The following PACRG variants were observed in gnomAD, a reference collection of about 807,000 sequenced individuals.
PACRG encodes parkin coregulated.
A neutral mutation model predicts 29.7 loss-of-function variants in PACRG; 29 were observed. The ratio of observed to expected loss-of-function variants is 0.98; its 90% CI spans 0.73 to 1.33. PACRG has a LOEUF of 1.33. Among genes scored for constraint, PACRG ranks in the 40% most tolerant of loss-of-function variants. The probability of loss-of-function intolerance (pLI) is 0.00; values close to 1 mark genes in which losing one functional copy is unlikely to be tolerated. For synonymous variants in PACRG, 116 were observed against 118.7 expected, an observed-to-expected ratio of 0.98 and a Z score of 0.15; for missense variants, 279 against 316.2, an observed-to-expected ratio of 0.88 and a Z score of 0.89.
intron 2 of PACRG, among the ~76,000 whole-genome samples, chr6:163,058,969 C>A (rs1408302779): frequency 6.6e-6 from 1 of 151,714 alleles, no homozygotes; most frequent in Non-Finnish European, 1.5e-5. Flanking sequence ...ATCCCAGCTA[C>A]TCAGGAGGCT....
chr6:162,804,546 G>A (rs1209215325), intron 1 of PACRG, among the ~76,000 whole-genome samples: 1 of 152,066 alleles, frequency 6.6e-6, no homozygotes, highest in Admixed American at 6.6e-5. Flanking sequence ...TGTTCATAAA[G>A]CAATGAACAC....
At chr6:163,208,482 A>G (rs184719967) in intron 4 of PACRG, among the ~76,000 whole-genome samples, 445 of 152,302 alleles carry the variant, frequency 2.9e-3, no homozygotes, top group Non-Finnish European at 5.2e-3. Context: ...TAATAAATCA[A>G]TTCTGTGATT....
At chr6:162,787,165 G>C (rs1010820724) in intron 1 of PACRG, among the ~76,000 whole-genome samples, 1 of 152,046 alleles carries the variant, frequency 6.6e-6, no homozygotes, top group Non-Finnish European at 1.5e-5. Context: ...TTCTCACCCT[G>C]TCAGACTGAG....
chr6:162,947,424 AAATCATATATATAAAATATATAT>A (rs1303433643), intron 2 of PACRG, among the ~76,000 whole-genome samples: 746 of 68,572 alleles, frequency 0.011, 12 homozygotes, highest in Non-Finnish European at 0.017. Flanking sequence ...ATCATACATA[AAATCATATATATAAAATATATAT>A]AATCATATAT....
At chr6:162,769,335 A>G (rs747693809) in intron 1 of PACRG, among the ~76,000 whole-genome samples, 1 of 152,004 alleles carries the variant, frequency 6.6e-6, no homozygotes, top group East Asian at 1.9e-4. Flanking sequence ...TTACTGCTCT[A>G]AAACCTAACT....
At position 163,055,411 on chromosome 6, in the gene PACRG, C is replaced by T. The variant is rs1343339281; in HGVS notation, c.292-6739C>T. Among the ~76,000 whole-genome samples the T allele has an allele frequency of 6.6e-6, 1 of 152,056 alleles. No homozygotes were observed. Among genetic ancestry groups the T allele is most frequent in the African/African-American group, 2.4e-5 (1 of 41,402 alleles). On this transcript the variant is annotated intron_variant, in intron 2 of 4. Transcript: ENST00000366888. This position sits in a 1 kb window ranked among gnomAD's most constrained non-coding sequence, Gnocchi z 4.0. ...TCACATATATACACACGTGCACACA[C>T]ACGCAAACAAGCGCCTGAGGATAAA...
At chr6:163,001,459 G>A (rs1177069064) in intron 2 of PACRG, among the ~76,000 whole-genome samples, 1 of 152,166 alleles carries the variant, frequency 6.6e-6, no homozygotes, top group Non-Finnish European at 1.5e-5. Context: ...TGAAGTGGGA[G>A]TGGCAGCCGG....
At chr6:162,879,246 C>CTA (rs1260508939) in intron 2 of PACRG, among the ~76,000 whole-genome samples, 18 of 152,302 alleles carry the variant, frequency 1.2e-4, no homozygotes, top group African/African-American at 4.1e-4. Flanking sequence ...CATTAACAGT[C>CTA]TATAGTTCTC....
chr6:163,050,444 A>T (rs932610795), intron 2 of PACRG, among the ~76,000 whole-genome samples: 1 of 152,238 alleles, frequency 6.6e-6, no homozygotes, highest in Non-Finnish European at 1.5e-5. Flanking sequence ...TTGATGATTT[A>T]AAAAACTCAT....
intron 4 of PACRG, among the ~76,000 whole-genome samples, chr6:163,228,534 G>A (rs548960374): frequency 1.7e-4 from 26 of 152,206 alleles, no homozygotes; most frequent in South Asian, 4.1e-4. Context: ...GATAGTGCAC[G>A]GGTGCACGGC....
In PACRG at chr6:162,814,223, G is replaced by C. The variant is rs771908101; in HGVS notation, c.233G>C (p.Arg78Pro). The part of the protein sequence containing the change: ...KPTAFRKFYE[R>P]GDFPIALEHD... ...ACAGCATTTCGAAAATTCTATGAGC[G>C]AGGTGACTTCCCAATTGCCCTTGAG... is the stretch of plus-strand genomic sequence containing the variant. Residue 78 changes from arginine (R) to proline (P), a missense_variant, in exon 2 of 5, where the codon CGA (arginine) becomes CCA (proline). By Grantham distance (103) the Arg-to-Pro change is moderately radical (BLOSUM62 -2). Transcript: ENST00000366888. The C allele has an allele frequency of 6.2e-6, 10 of 1,613,672 alleles. No individual in the cohort carries two copies. In the African/African-American group the frequency reaches 9.4e-5, roughly 15 times the overall value.
rs541913316 is a variant in PACRG at position 162,733,693 on chromosome 6, C to T, written c.156+5302C>T. 7.2e-5 allele frequency among the ~76,000 whole-genome samples: 11 copies of T among 152,260 alleles called. No individual in the cohort carries two copies. The East Asian group carries it at 1.2e-3, about 16-fold the overall frequency. ...TATGCAACTCTGCTGGCCCTGCCTC[C>T]GGAACTCAGTTAGTGCCACGCCTTT... On this transcript the variant is annotated intron_variant, in intron 1 of 4. Transcript: ENST00000366888.
intron 2 of PACRG, among the ~76,000 whole-genome samples, chr6:162,928,790 G>A (rs1797636087): frequency 6.6e-6 from 1 of 151,248 alleles, no homozygotes; most frequent in Admixed American, 6.6e-5. Context: ...TCCAACCTCT[G>A]GTAACAACCA....
chr6:163,094,702 A>T (rs976172545), intron 4 of PACRG, among the ~76,000 whole-genome samples: 2 of 152,200 alleles, frequency 1.3e-5, no homozygotes, highest in Non-Finnish European at 2.9e-5. Context: ...AACTCAGCCT[A>T]CGCAACCAGT....
At chr6:163,090,582 A>G (rs1171364521) in intron 4 of PACRG, among the ~76,000 whole-genome samples, 2 of 152,190 alleles carry the variant, frequency 1.3e-5, no homozygotes, top group Non-Finnish European at 1.5e-5. Flanking sequence ...ATGTTTTAGT[A>G]ACAATATTAC....
intron 1 of PACRG, among the ~76,000 whole-genome samples, chr6:162,744,725 A>G (rs188654751): frequency 7.2e-5 from 11 of 152,346 alleles, no homozygotes; most frequent in Middle Eastern, 3.4e-3. Context: ...TTAGTAATCC[A>G]TAAAAAATTG....
chr6:163,194,059 AT>A (rs1453769911), intron 4 of PACRG, among the ~76,000 whole-genome samples: 2 of 151,960 alleles, frequency 1.3e-5, no homozygotes, highest in African/African-American at 4.8e-5. Flanking sequence ...AAGCCGGTTA[AT>A]TTTTGTATTT....
intron 2 of PACRG, chr6:163,016,178 G>A (rs747834124): frequency 2.0e-5 from 3 of 152,182 alleles, no homozygotes; most frequent in Non-Finnish European, 4.4e-5. Context: ...GCATTTCAAG[G>A]GGCACAGTCG....
intron 2 of PACRG, among the ~76,000 whole-genome samples, chr6:162,828,520 G>A (rs1788473136): frequency 6.6e-6 from 1 of 152,186 alleles, no homozygotes; most frequent in African/African-American, 2.4e-5. Flanking sequence ...ATGAAGCAGC[G>A]AAATTCTCAG....
Sources: allele counts gnomAD v4.1 joint callset (sites outside exome capture counted in the v4.1 genomes callset), GRCh38; gene constraint gnomAD v4.1.1; non-coding constraint Gnocchi (gnomAD v3.1); transcripts MANE v1.5; gene names NCBI Gene and HGNC (gene_info 2026-07-23, HGNC 2026-07-21).